The following GPR176 variants were observed in gnomAD, a reference collection of about 807,000 sequenced individuals.
The protein encoded by GPR176 is G-protein coupled receptor 176.
A neutral mutation model predicts 35.4 loss-of-function variants in GPR176; 26 were observed. The observed-to-expected ratio is 0.74, with a 90% CI of 0.54 to 1.02. The LOEUF is 1.02. Ranked by LOEUF, GPR176 falls within the 50% of genes least tolerant of loss-of-function variation. GPR176 has a pLI of 0.00. For missense variants in GPR176, 597 were observed against 665.3 expected (o/e 0.90, Z 1.13); for synonymous variants, 278 against 271.3 (o/e 1.02, Z -0.24).
rs533521224 is a variant in GPR176, at chr15:39,870,343, A to C, written c.172+49512T>G. Among the ~76,000 whole-genome samples, 5 of 152,290 alleles carry C rather than the reference A, an allele frequency of 3.3e-5. No homozygotes were observed. In the East Asian group the frequency reaches 7.7e-4, roughly 23 times the overall value. Reference sequence around the variant, plus strand: ...ACAGGTTTCAGGAATTAAGACATGGATATCTTGGGGGCCTACTACAGGGGG... The same window carrying C: ...ACAGGTTTCAGGAATTAAGACATGGCTATCTTGGGGGCCTACTACAGGGGG... On this transcript the variant is annotated intron_variant, in intron 1 of 2. Transcript: ENST00000561100.
intron 1 of GPR176, among the ~76,000 whole-genome samples, chr15:39,831,078 G>C (rs1346261467): frequency 6.6e-6 from 1 of 152,264 alleles, no homozygotes; most frequent in Non-Finnish European, 1.5e-5. Context: ...GCTTAAGGTT[G>C]GAACGGGGGA....
chr15:39,864,119 A>T (rs2031726573), intron 1 of GPR176, among the ~76,000 whole-genome samples: 1 of 152,226 alleles, frequency 6.6e-6, no homozygotes, highest in Non-Finnish European at 1.5e-5. Flanking sequence ...TCTATGTCAC[A>T]TAGAGTGGTT....
chr15:39,814,998 G>A (rs189889892), intron 1 of GPR176: 1 of 152,290 alleles, frequency 6.6e-6, no homozygotes, highest in African/African-American at 2.4e-5. Context: ...CATTGTGAGG[G>A]CTAAATTAGT....
At chr15:39,886,394 C>T (rs147713735) in intron 1 of GPR176, among the ~76,000 whole-genome samples, 25 of 152,286 alleles carry the variant, frequency 1.6e-4, no homozygotes, top group African/African-American at 6.0e-4. Context: ...GGGACTTGTT[C>T]CAGCCCTGAC....
chr15:39,878,427 T>A (rs2032342140), intron 1 of GPR176, among the ~76,000 whole-genome samples: 1 of 149,890 alleles, frequency 6.7e-6, no homozygotes, highest in Admixed American at 6.7e-5. Context: ...GGATCACCCA[T>A]GCTGTTGCAA....
intron 2 of GPR176, among the ~76,000 whole-genome samples, chr15:39,804,716 C>T (rs866544666): frequency 6.6e-6 from 1 of 150,556 alleles, no homozygotes; most frequent in Non-Finnish European, 1.5e-5. Context: ...AATGGAGAAA[C>T]AAATTTAGTA....
chr15:39,820,224 A>G (rs916251335), intron 1 of GPR176, among the ~76,000 whole-genome samples: 3 of 152,128 alleles, frequency 2.0e-5, no homozygotes, highest in African/African-American at 7.2e-5. Context: ...ATAGGGCAAG[A>G]GCTGGGGGTA....
chr15:39,864,463 CCT>C (rs67460642), intron 1 of GPR176, among the ~76,000 whole-genome samples: 42,091 of 151,894 alleles, frequency 0.28, 6,464 homozygotes, highest in Non-Finnish European at 0.36. Flanking sequence ...AAACTGGACC[CCT>C]GTTTCTCACC....
chr15:39,894,503 AG>A, intron 1 of GPR176: 1 of 172,280 alleles, frequency 5.8e-6, no homozygotes, highest in Non-Finnish European at 1.2e-5. Flanking sequence ...CACTTCTCAG[AG>A]GGGGCGGCAG....
At chr15:39,855,747 C>T (rs57772123) in intron 1 of GPR176, among the ~76,000 whole-genome samples, 1,891 of 152,260 alleles carry the variant, frequency 0.012, 58 homozygotes, top group African/African-American at 0.043. Flanking sequence ...TAATAAAATA[C>T]CCATCAGCTG....
At chr15:39,863,645 T>C (rs1056042732) in intron 1 of GPR176, among the ~76,000 whole-genome samples, 1 of 152,198 alleles carries the variant, frequency 6.6e-6, no homozygotes, top group Non-Finnish European at 1.5e-5. Flanking sequence ...GCCTTCACAC[T>C]CACCAACTCA....
In GPR176 at chr15:39,801,987, G is replaced by A; in HGVS notation, c.693C>T (p.Ala231=). 6.2e-7 allele frequency: 1 copy of A among 1,614,096 alleles called. No individual in the cohort carries two copies. Among genetic ancestry groups the A allele is most frequent in the Non-Finnish European group, 8.5e-7 (1 of 1,180,032 alleles). The part of the protein sequence containing the change: ...VFLFLILIRR[A]LSASQKKKVI... ...CCTTCTTCTTCTGGCTGGCACTCAG[G>A]GCCCGTCGGATCAGTATCAAGAAGA... Residue 231 remains alanine, a synonymous_variant, in exon 3 of 3, where the codon GCC becomes GCT. Transcript: ENST00000561100.
intron 1 of GPR176, among the ~76,000 whole-genome samples, chr15:39,905,348 C>T (rs760146219): frequency 3.3e-5 from 5 of 151,294 alleles, no homozygotes; most frequent in Non-Finnish European, 1.5e-5. Flanking sequence ...CAGTGGCTCA[C>T]GCCTGTAATC....
At chr15:39,840,068 G>A (rs561299661) in intron 1 of GPR176, among the ~76,000 whole-genome samples, 1 of 152,314 alleles carries the variant, frequency 6.6e-6, no homozygotes, top group South Asian at 2.1e-4. Context: ...GTGGAAGACA[G>A]TGTGGCAATT....
chr15:39,898,771 G>A (rs150854218), intron 1 of GPR176, among the ~76,000 whole-genome samples: 1 of 152,156 alleles, frequency 6.6e-6, no homozygotes, highest in African/African-American at 2.4e-5. Context: ...GAGTAATTGG[G>A]GAGGGCTAAA....
intron 1 of GPR176, among the ~76,000 whole-genome samples, chr15:39,832,009 C>T (rs1190856472): frequency 1.3e-5 from 2 of 151,846 alleles, no homozygotes; most frequent in Non-Finnish European, 2.9e-5. Context: ...CACACACACA[C>T]ACACACACAC....
chr15:39,847,742 CAAA>C (rs34896644), intron 1 of GPR176, among the ~76,000 whole-genome samples: 1 of 68,830 alleles, frequency 1.5e-5, no homozygotes, highest in Non-Finnish European at 2.6e-5. Flanking sequence ...GACTCTGTCT[CAAA>C]AAAAAAAAAA....
chr15:39,841,958 G>C (rs1436772200), intron 1 of GPR176, among the ~76,000 whole-genome samples: 1 of 151,990 alleles, frequency 6.6e-6, no homozygotes, highest in African/African-American at 2.4e-5. Flanking sequence ...GCTCTCAGTA[G>C]GGATCCCAGT....
At chr15:39,913,362 T>G (rs180953015) in intron 1 of GPR176, among the ~76,000 whole-genome samples, 3 of 151,984 alleles carry the variant, frequency 2.0e-5, no homozygotes, top group African/African-American at 7.3e-5. Flanking sequence ...CTGGGCAATG[T>G]GGCAAAACTC....
Sources: allele counts gnomAD v4.1 joint callset (sites outside exome capture counted in the v4.1 genomes callset), GRCh38; gene constraint gnomAD v4.1.1; transcripts MANE v1.5; gene names NCBI Gene and HGNC (gene_info 2026-07-23, HGNC 2026-07-21).